The following KCNU1 variants were observed in gnomAD, a reference collection of about 807,000 sequenced individuals.
The protein encoded by KCNU1 is potassium channel subfamily U member 1.
Under a neutral mutation model 126.8 loss-of-function variants are expected in KCNU1, and 93 were observed. That is an observed-to-expected ratio of 0.73 (90% CI 0.62 to 0.87). The LOEUF is 0.87. KCNU1 is among the 40% of genes least tolerant of loss of function. The probability of loss-of-function intolerance (pLI) is 0.00; values close to 1 mark genes in which losing one functional copy is unlikely to be tolerated. For synonymous variants in KCNU1, 523 were observed against 494.2 expected (o/e 1.06, Z -0.77); for missense variants, 1,330 against 1,367.1 (o/e 0.97, Z 0.43).
intron 22 of KCNU1, among the ~76,000 whole-genome samples, chr8:36,912,064 A>G (rs936671253): frequency 6.6e-6 from 1 of 152,194 alleles, no homozygotes; most frequent in Admixed American, 6.5e-5. Flanking sequence ...GGATCAAGCT[A>G]TGTTCCTTGG....
At chr8:36,895,170 C>T (rs550706031) in intron 19 of KCNU1, among the ~76,000 whole-genome samples, 2 of 152,010 alleles carry the variant, frequency 1.3e-5, no homozygotes, top group Admixed American at 6.6e-5. Context: ...TCACTGCCCC[C>T]CCAGTTCAAG....
chr8:36,931,026 C>T lies in KCNU1; in HGVS notation c.2812C>T (p.His938Tyr), dbSNP rs570522108. The T allele has an allele frequency of 8.1e-6, 13 of 1,611,382 alleles. No homozygotes were observed. Among genetic ancestry groups the T allele is most frequent in the African/African-American group, 8.0e-5 (6 of 74,936 alleles). ...TGGVSSQLEQ[H>Y]LDKDKVYGVA... ...AGGAGTAAGTTCTCAGCTGGAACAACATTTAGATAAGGATAAAGTCTATGG... is the reference window on the plus strand; with the variant it reads ...AGGAGTAAGTTCTCAGCTGGAACAATATTTAGATAAGGATAAAGTCTATGG... The change falls in exon 25 of 27, where the codon CAT becomes TAT. Residue 938 changes from histidine (H) to tyrosine (Y), a missense_variant. Physicochemically the swap from His to Tyr is moderately conservative, Grantham distance 83. Around this residue, in one of 3 missense-constraint regions of KCNU1, gnomAD observed 1,054 missense variants for 1,053.9 expected, o/e 1.00. Transcript: ENST00000399881.
At chr8:36,834,317 G>C (rs376262764) in intron 11 of KCNU1, among the ~76,000 whole-genome samples, 2 of 152,152 alleles carry the variant, frequency 1.3e-5, no homozygotes, top group South Asian at 2.1e-4. Flanking sequence ...AGTACTGTAA[G>C]AGCCATTTCA....
rs771936890 is a variant in KCNU1, at chr8:36,909,421, A to T, written c.2217A>T (p.Arg739Ser). Residue 739 changes from arginine to serine, a missense_variant, in exon 21 of 27, where the codon AGA (arginine) becomes AGT (serine). By Grantham distance (110) the Arg-to-Ser change is moderately radical. This residue lies in a region of KCNU1 where 1,054 missense variants were observed against 1,053.9 expected (regional missense o/e 1.00). Coordinates refer to ENST00000399881, the MANE Select transcript of KCNU1 (RefSeq NM_001031836.3). ...TTCGGAACTTTGTAATGCCCTTGAG[A>T]GCCAGCAACTATACCAGGAAGGAGC... Reference protein sequence around the residue: ...MGLRNFVMPLRASNYTRKELK... With the variant: ...MGLRNFVMPLSASNYTRKELK... The T allele has an allele frequency of 6.2e-7, 1 of 1,612,796 alleles. No homozygotes were observed. Among genetic ancestry groups the T allele is most frequent in the African/African-American group, 1.3e-5 (1 of 74,884 alleles).
rs796272095 is a variant in KCNU1, at chr8:36,910,858, G to C, written c.2332-72G>C. 8.3e-6 allele frequency: 9 copies of C among 1,088,238 alleles called. 1 individual carries two copies. In the African/African-American group the frequency reaches 1.3e-4, roughly 15 times the overall value. 67.4% of individuals were successfully genotyped at this position (1,088,238 alleles called of 1,614,324 possible). On this transcript the variant is annotated intron_variant, in intron 21 of 26. Transcript: ENST00000399881. ...TCAAAAATTACATCACTCACAAAGA[G>C]CCACCACCATGAGCCATGATATAAC...
chr8:36,875,765 T>C (rs1398841818), intron 19 of KCNU1, among the ~76,000 whole-genome samples: 3 of 152,188 alleles, frequency 2.0e-5, no homozygotes, highest in Non-Finnish European at 4.4e-5. Context: ...TAGCTAGCTT[T>C]GCTTCAACTG....
At chr8:36,893,291 A>G (rs936727822) in intron 19 of KCNU1, among the ~76,000 whole-genome samples, 1 of 150,462 alleles carries the variant, frequency 6.6e-6, no homozygotes, top group Non-Finnish European at 1.5e-5. Flanking sequence ...TAGACTTCTA[A>G]TTCTCCAGCT....
chr8:36,892,825 AAG>A (rs1176197546), intron 19 of KCNU1, among the ~76,000 whole-genome samples: 1 of 152,090 alleles, frequency 6.6e-6, no homozygotes, highest in East Asian at 1.9e-4. Flanking sequence ...GATCAGCCAG[AAG>A]AGATTAGGAA....
At chr8:36,797,010 G>C (rs1290354678) in intron 2 of KCNU1, among the ~76,000 whole-genome samples, 1 of 152,050 alleles carries the variant, frequency 6.6e-6, no homozygotes, top group East Asian at 1.9e-4. Flanking sequence ...ACAGGTATTG[G>C]ACACACACTA....
chr8:36,820,187 C>G (rs1238995635), intron 10 of KCNU1, among the ~76,000 whole-genome samples: 1 of 152,192 alleles, frequency 6.6e-6, no homozygotes, highest in African/African-American at 2.4e-5. Flanking sequence ...GAAGAACAAC[C>G]TGGCTGAGAC....
chr8:36,791,194 T>C (rs926942348), intron 2 of KCNU1, among the ~76,000 whole-genome samples: 17 of 152,140 alleles, frequency 1.1e-4, no homozygotes, highest in African/African-American at 4.1e-4. Context: ...GTTTAGTGCA[T>C]CTATGGGTTA....
rs77461222 is a variant in KCNU1 at position 36,845,316 on chromosome 8, G to T, written c.1704-264G>T. ...CCATCTCAGATGCATGACAGAATCCGGGAGAGGCTTTGCCGCAGGTCCGCT... is the reference window on the plus strand; with the variant it reads ...CCATCTCAGATGCATGACAGAATCCTGGAGAGGCTTTGCCGCAGGTCCGCT... On this transcript the variant is annotated intron_variant, in intron 16 of 26. Transcript: ENST00000399881. Among the ~76,000 whole-genome samples, 351 of 152,268 alleles carry T rather than the reference G, an allele frequency of 2.3e-3. 6 individuals are homozygous for T. Among genetic ancestry groups the T allele is most frequent in the African/African-American group, 7.1e-3 (295 of 41,550 alleles).
intron 1 of KCNU1, among the ~76,000 whole-genome samples, chr8:36,786,834 A>G (rs1004168337): frequency 2.0e-5 from 3 of 152,242 alleles, no homozygotes; most frequent in African/African-American, 7.2e-5. Flanking sequence ...AACACCAGGC[A>G]AAAAACTAAG....
At chr8:36,932,772 T>C (rs1352763661) in intron 25 of KCNU1, 148 bp from the exon 26 acceptor site, 1 of 608,260 alleles carries the variant, frequency 1.6e-6, no homozygotes, top group East Asian at 2.8e-5. Context: ...CTTAATTACC[T>C]ATCGCCCTGG....
At chr8:36,792,541 T>C (rs1334081990) in intron 2 of KCNU1, among the ~76,000 whole-genome samples, 1 of 152,180 alleles carries the variant, frequency 6.6e-6, no homozygotes, top group Non-Finnish European at 1.5e-5. Context: ...CTTCCTAACA[T>C]TGATGAAGCT....
chr8:36,792,683 T>G (rs1802946187), intron 2 of KCNU1, among the ~76,000 whole-genome samples: 2 of 152,138 alleles, frequency 1.3e-5, no homozygotes, highest in Admixed American at 6.6e-5. Flanking sequence ...AATGTAAAAT[T>G]TATAAAGTGG....
In KCNU1 at chr8:36,825,035, G is replaced by A. The variant is rs75685884; in HGVS notation, c.1106+7275G>A. ...TCTTAGGTAGAACTGTCAGTTGTCC[G>A]AAATGATATGAACAATCTGCACCTT... is the stretch of plus-strand genomic sequence containing the variant. On this transcript the variant is annotated intron_variant, in intron 10 of 26. Coordinates refer to ENST00000399881, the MANE Select transcript of KCNU1 (RefSeq NM_001031836.3). 0.019 allele frequency among the ~76,000 whole-genome samples: 2,866 copies of A among 152,216 alleles called. 237 individuals carry two copies. In the East Asian group the frequency reaches 0.27, roughly 14 times the overall value.
At chr8:36,866,053 A>G (rs1337244229) in intron 19 of KCNU1, among the ~76,000 whole-genome samples, 1 of 152,046 alleles carries the variant, frequency 6.6e-6, no homozygotes, top group Non-Finnish European at 1.5e-5. Context: ...TGTTGGTCAA[A>G]AGGTACCAAG....
chr8:36,894,137 A>C (rs1409030222), intron 19 of KCNU1, among the ~76,000 whole-genome samples: 1 of 152,142 alleles, frequency 6.6e-6, no homozygotes, highest in African/African-American at 2.4e-5. Flanking sequence ...CTAGATTAGA[A>C]GTCAAAATCC....
Sources: gnomAD v4.1 joint callset for allele counts (sites outside exome capture counted in the v4.1 genomes callset) on GRCh38, gnomAD v4.1.1 for gene constraint, gnomAD v4.1.1 regional missense constraint, MANE v1.5 for transcripts, NCBI Gene and HGNC (gene_info 2026-07-23, HGNC 2026-07-21) for gene names.